COL19A1: variants seen among roughly 807,000 people sequenced by gnomAD.
COL19A1 encodes the protein collagen type XIX alpha 1 chain, also known as collagen alpha-1(XIX) chain.
COL19A1 carries 159 observed loss-of-function variants against 190.2 expected under a neutral mutation model. That is an observed-to-expected ratio of 0.84 (90% CI 0.73 to 0.95). COL19A1 has a LOEUF of 0.95. Among genes scored for constraint, COL19A1 ranks in the 40% least tolerant of loss-of-function variants. COL19A1 has a pLI of 0.00. For missense variants in COL19A1, 1,418 were observed against 1,431.9 expected (o/e 0.99, Z 0.16); for synonymous variants, 509 against 458.9 (o/e 1.11, Z -1.39).
At chr6:70,075,022 C>G (rs1482061572) in intron 15 of COL19A1, among the ~76,000 whole-genome samples, 1 of 152,158 alleles carries the variant, frequency 6.6e-6, no homozygotes, top group Non-Finnish European at 1.5e-5. Flanking sequence ...GTTAAATGTT[C>G]TGTATTCTAC....
At chr6:70,041,066 A>T (rs1779612949) in intron 14 of COL19A1, among the ~76,000 whole-genome samples, 1 of 152,218 alleles carries the variant, frequency 6.6e-6, no homozygotes. Context: ...TCAGCCCAGA[A>T]GGTGGGAATG....
chr6:70,199,622 T>A lies in COL19A1; in HGVS notation c.3109T>A (p.Phe1037Ile). The part of the protein sequence containing the change: ...LRIFEERMAV[F>I]LSQLKLPAAM... Reference sequence around the variant, plus strand: ...TATACATGAAGAGAGGATGGCTGTATTCCTATCCCAGCTCAAGCTGCCAGC... The same window carrying A: ...TATACATGAAGAGAGGATGGCTGTAATCCTATCCCAGCTCAAGCTGCCAGC... Residue 1037 changes from phenylalanine to isoleucine, a missense_variant, in exon 49 of 51, where the codon TTC (phenylalanine) becomes ATC (isoleucine). Transcript: ENST00000620364. 4 of 1,600,562 alleles carry A rather than the reference T, an allele frequency of 2.5e-6. No individual in the cohort carries two copies. Among genetic ancestry groups the A allele is most frequent in the Non-Finnish European group, 3.4e-6 (4 of 1,172,088 alleles).
At chr6:70,138,058 CACACCTAGGTG>C (rs914538539) in intron 19 of COL19A1, among the ~76,000 whole-genome samples, 3 of 152,168 alleles carry the variant, frequency 2.0e-5, no homozygotes, top group Non-Finnish European at 4.4e-5. Context: ...AGCTGTGAAT[CACACCTAGGTG>C]AGTTGATTCT....
At chr6:70,191,573 A>G (rs1168148102) in intron 48 of COL19A1, among the ~76,000 whole-genome samples, 3 of 152,196 alleles carry the variant, frequency 2.0e-5, no homozygotes, top group African/African-American at 7.2e-5. Flanking sequence ...CCACTTGTAA[A>G]TCATCTTCTA....
chr6:69,914,322 T>TCAGTTACAA (rs903308783), intron 4 of COL19A1, among the ~76,000 whole-genome samples: 1 of 152,184 alleles, frequency 6.6e-6, no homozygotes, highest in African/African-American at 2.4e-5. Flanking sequence ...CTCTAGGCCC[T>TCAGTTACAA]GCTAGCCAAA....
chr6:70,149,543 G>A (rs1199209256), intron 27 of COL19A1, among the ~76,000 whole-genome samples, 161 bp from the exon 28 acceptor site: 1 of 152,136 alleles, frequency 6.6e-6, no homozygotes, highest in Non-Finnish European at 1.5e-5. Context: ...ATTCACCTAC[G>A]ACCTGAAAGT....
At chr6:69,921,007 A>G (rs1226781035) in intron 4 of COL19A1, among the ~76,000 whole-genome samples, 2 of 90,000 alleles carry the variant, frequency 2.2e-5, no homozygotes, top group Non-Finnish European at 1.9e-5. Flanking sequence ...TATATATCAT[A>G]TATATTCATA....
At chr6:70,108,395 G>C (rs912413897) in intron 16 of COL19A1, among the ~76,000 whole-genome samples, 3 of 152,038 alleles carry the variant, frequency 2.0e-5, no homozygotes, top group Non-Finnish European at 2.9e-5. Flanking sequence ...AGCAATTTCA[G>C]TTGAAAACAG....
At chr6:70,140,784 A>G (rs1261985822) in intron 19 of COL19A1, among the ~76,000 whole-genome samples, 170 bp from the exon 20 acceptor site, 1 of 152,096 alleles carries the variant, frequency 6.6e-6, no homozygotes, top group Non-Finnish European at 1.5e-5. Flanking sequence ...TAAATTAATT[A>G]TCATATATTT....
At chr6:70,159,551 A>C (rs968975795) in intron 34 of COL19A1, among the ~76,000 whole-genome samples, 2 of 152,140 alleles carry the variant, frequency 1.3e-5, no homozygotes, top group Admixed American at 1.3e-4. Flanking sequence ...TAGCATGTTC[A>C]AGTAGAATTT....
chr6:70,127,648 C>T (rs1452351964), intron 17 of COL19A1, among the ~76,000 whole-genome samples: 1 of 152,096 alleles, frequency 6.6e-6, no homozygotes, highest in African/African-American at 2.4e-5. Flanking sequence ...CTGGGGAGGC[C>T]TCATAATCAT....
At chr6:70,131,255 T>C (rs985477332) in intron 18 of COL19A1, 6 of 223,850 alleles carry the variant, frequency 2.7e-5, no homozygotes, top group Non-Finnish European at 3.7e-5. Flanking sequence ...AGTGCTACTT[T>C]CATTCATTCA....
chr6:70,130,166 T>C lies in COL19A1; in HGVS notation c.1342-16T>C, dbSNP rs1785435298. 2 of 1,610,802 alleles carry C rather than the reference T, an allele frequency of 1.2e-6. No homozygotes were observed. Among genetic ancestry groups the C allele is most frequent in the African/African-American group, 1.3e-5 (1 of 74,664 alleles). ...CGGATTTTTCTTTTGTATTTTAAAT[T>C]GTTTTTCACCCCTAGGGAAATGATG... On this transcript the variant is annotated splice_polypyrimidine_tract_variant and intron_variant, in intron 17 of 50. Coordinates refer to ENST00000620364, the MANE Select transcript of COL19A1 (RefSeq NM_001858.6).
intron 7 of COL19A1, among the ~76,000 whole-genome samples, chr6:69,934,029 T>C (rs1348834140): frequency 1.3e-5 from 2 of 152,094 alleles, no homozygotes; most frequent in Non-Finnish European, 2.9e-5. Context: ...GAAAATTTTA[T>C]CAACAATTTA....
At chr6:70,199,040 G>A (rs1274227472) in intron 48 of COL19A1, among the ~76,000 whole-genome samples, 2 of 152,218 alleles carry the variant, frequency 1.3e-5, no homozygotes, top group Non-Finnish European at 1.5e-5. Flanking sequence ...TGATCTAAGA[G>A]AGAAAGCAAC....
intron 16 of COL19A1, among the ~76,000 whole-genome samples, chr6:70,114,242 A>C (rs1784438622): frequency 6.6e-6 from 1 of 152,114 alleles, no homozygotes; most frequent in South Asian, 2.1e-4. Context: ...ATCTTTCACC[A>C]CACGATGCCC....
chr6:70,055,986 G>C lies in COL19A1; in HGVS notation c.1171-12437G>C, dbSNP rs370352719. On this transcript the variant is annotated intron_variant, in intron 14 of 50. Coordinates refer to ENST00000620364, the MANE Select transcript of COL19A1 (RefSeq NM_001858.6). The stretch of plus-strand genomic sequence containing the variant: ...TTTCTCATTGAGTTTCTTGTTTTCT[G>C]AGAGTATCATTCAGACCTGCTATTC... 3.3e-5 allele frequency among the ~76,000 whole-genome samples: 5 copies of C among 151,756 alleles called. No individual in the cohort carries two copies. In the East Asian group the frequency reaches 9.7e-4, roughly 29 times the overall value.
chr6:70,000,208 T>G (rs1165967957), intron 11 of COL19A1, among the ~76,000 whole-genome samples: 1 of 152,230 alleles, frequency 6.6e-6, no homozygotes, highest in East Asian at 1.9e-4. Context: ...TCATTCCTTT[T>G]TATGGCTGCA....
chr6:70,074,524 G>T (rs1322222047), intron 15 of COL19A1, among the ~76,000 whole-genome samples: 1 of 146,478 alleles, frequency 6.8e-6, no homozygotes, highest in African/African-American at 2.6e-5. Context: ...AAAAGAGAGA[G>T]AAAGAGTATT....
Sources: allele counts gnomAD v4.1 joint callset (sites outside exome capture counted in the v4.1 genomes callset), GRCh38; gene constraint gnomAD v4.1.1; transcripts MANE v1.5; gene names NCBI Gene and HGNC (gene_info 2026-07-23, HGNC 2026-07-21).